Variants in DPP4 observed in about 807,000 individuals in gnomAD.
DPP4 encodes dipeptidyl peptidase 4, also known as ADCP-2.
A neutral mutation model predicts 122.4 loss-of-function variants in DPP4; 93 were observed. That is an observed-to-expected ratio of 0.76 (90% CI 0.64 to 0.90). The LOEUF is 0.90. DPP4 is among the 40% of genes least tolerant of loss of function. The pLI is 0.00. For missense variants in DPP4, 914 were observed against 907.3 expected (o/e 1.01, Z -0.09); for synonymous variants, 321 against 302.9 (o/e 1.06, Z -0.62).
In DPP4 at chr2:162,011,166, C is replaced by T. The variant is rs115758260; in HGVS notation, c.1832+627G>A. Among the ~76,000 whole-genome samples, 1,384 of 152,200 alleles carry T rather than the reference C, an allele frequency of 9.1e-3. 16 individuals carry two copies. Among genetic ancestry groups the T allele is most frequent in the African/African-American group, 0.031 (1,300 of 41,522 alleles). Reference sequence around the variant, plus strand: ...ATGCAACATGCATCTTATGAGTAACCATCATTGATTGTTAACATCTCTTGA... The same window carrying T: ...ATGCAACATGCATCTTATGAGTAACTATCATTGATTGTTAACATCTCTTGA... On this transcript the variant is annotated intron_variant, in intron 20 of 25. Transcript: ENST00000360534.
At chr2:162,071,184 G>A (rs1238540807) in intron 2 of DPP4, among the ~76,000 whole-genome samples, 2 of 152,118 alleles carry the variant, frequency 1.3e-5, no homozygotes, top group Non-Finnish European at 2.9e-5. Context: ...TCTTTTGCCT[G>A]TTTCCCACCC....
rs1700904798 is a variant in DPP4 at position 161,993,166 on chromosome 2, G to A, written c.*117C>T. 5.0e-6 allele frequency: 4 copies of A among 802,146 alleles called. No homozygotes were observed. The East Asian group carries it at 1.0e-4, about 20-fold the overall frequency. The allele number at this position is 802,146 out of a possible 1,614,324, so 49.7% of individuals were successfully genotyped here. A position where few individuals can be genotyped will look rare whatever the true frequency, so the allele number is the denominator to read the frequency against. The stretch of plus-strand genomic sequence containing the variant: ...AATTTGGGAACAAAGGTAACCTTAA[G>A]TTTCTTGATTTGAGTGTGTATTTTA... On this transcript the variant is annotated 3_prime_UTR_variant, in exon 26 of 26. Coordinates refer to ENST00000360534, the MANE Select transcript of DPP4 (RefSeq NM_001935.4).
intron 21 of DPP4, among the ~76,000 whole-genome samples, chr2:162,008,944 C>A (rs1487492556): frequency 1.3e-5 from 2 of 152,086 alleles, no homozygotes; most frequent in African/African-American, 4.8e-5. Flanking sequence ...AAAACAATAA[C>A]ACGAAATCTT....
intron 25 of DPP4, 81 bp from the exon 26 acceptor site, chr2:161,993,465 T>A: frequency 1.0e-6 from 1 of 979,540 alleles, no homozygotes; most frequent in Non-Finnish European, 1.6e-6. Context: ...TCAAATGAGC[T>A]CTCACGAGCA....
chr2:162,038,463 G>GT (rs1326680800), intron 7 of DPP4, 41 bp from the exon 8 acceptor site: 1 of 1,560,004 alleles, frequency 6.4e-7, no homozygotes, highest in African/African-American at 1.4e-5. Context: ...TATAATACAT[G>GT]TCATATTTTT....
intron 2 of DPP4, among the ~76,000 whole-genome samples, chr2:162,053,102 G>A (rs971783261): frequency 6.6e-6 from 1 of 152,192 alleles, no homozygotes; most frequent in Non-Finnish European, 1.5e-5. Context: ...GGGAAGATTT[G>A]GAAAAGTCTC....
At chr2:162,048,023 T>C (rs73971545) in intron 2 of DPP4, among the ~76,000 whole-genome samples, 5,762 of 152,202 alleles carry the variant, frequency 0.038, 244 homozygotes, top group African/African-American at 0.097. Flanking sequence ...TCAATAGTTA[T>C]GTGTGGCCAG....
chr2:162,066,116 C>G (rs979082756), intron 2 of DPP4, among the ~76,000 whole-genome samples: 1 of 152,140 alleles, frequency 6.6e-6, no homozygotes, highest in Non-Finnish European at 1.5e-5. Flanking sequence ...AAAAAGGAAA[C>G]AGCCAGGAGG....
chr2:162,020,118 A>G, intron 14 of DPP4, 111 bp downstream of exon 14: 1 of 906,614 alleles, frequency 1.1e-6, no homozygotes, highest in South Asian at 1.6e-5. Flanking sequence ...TATTGAACAC[A>G]TTCCAAAAAG....
intron 2 of DPP4, among the ~76,000 whole-genome samples, chr2:162,064,946 T>A (rs1559727401): frequency 6.6e-6 from 1 of 152,220 alleles, no homozygotes; most frequent in Non-Finnish European, 1.5e-5. Flanking sequence ...AAAAATTAAA[T>A]CTTTCTAACG....
In DPP4 at chr2:161,992,773, T is replaced by G. The variant is rs1462133100; in HGVS notation, c.*510A>C. On this transcript the variant is annotated 3_prime_UTR_variant, in exon 26 of 26. Coordinates refer to ENST00000360534, the MANE Select transcript of DPP4 (RefSeq NM_001935.4). ...CTGTGCCAGTCTGGCTGTGAACAGC[T>G]CTTCTCCGAGGGGAGCTGACAGTAG... 1 of 154,664 alleles carries G rather than the reference T, an allele frequency of 6.5e-6. No individual in the cohort carries two copies. The highest frequency in any genetic ancestry group is 2.4e-5 in the African/African-American group (1 of 41,488). 9.6% of individuals were successfully genotyped at this position (154,664 alleles called of 1,614,324 possible). A position where few individuals can be genotyped will look rare whatever the true frequency, so the allele number is the denominator to read the frequency against.
intron 2 of DPP4, among the ~76,000 whole-genome samples, chr2:162,066,683 T>C (rs1432261812): frequency 6.6e-6 from 1 of 152,216 alleles, no homozygotes; most frequent in Non-Finnish European, 1.5e-5. Context: ...TAAAAGATTA[T>C]TTGGATCATG....
rs1285727654 is a variant in DPP4, at chr2:162,073,658, T to C, written c.7-172A>G. The C allele has an allele frequency of 4.3e-6, 3 of 695,362 alleles. No homozygotes were observed. In the African/African-American group the frequency reaches 5.3e-5, roughly 12 times the overall value. 43.1% of individuals were successfully genotyped at this position (695,362 alleles called of 1,614,324 possible). ...GTCTGGAGTGCGCCAGTTGGAGTTC[T>C]CTAAGGCGGGTGCCCTTGAACTTGT... On this transcript the variant is annotated intron_variant, in intron 1 of 25. Transcript: ENST00000360534.
At chr2:162,070,947 T>A (rs1440395430) in intron 2 of DPP4, among the ~76,000 whole-genome samples, 8 of 152,106 alleles carry the variant, frequency 5.3e-5, no homozygotes, top group Non-Finnish European at 1.0e-4. Flanking sequence ...AGCCACCCTC[T>A]CCTTTACCTC....
rs142128018 is a variant in DPP4 at position 162,028,443 on chromosome 2, C to A, written c.888-3504G>T. ...CCCACTTAAAACCAGAAAAATCCAA[C>A]CAGCAGGATTATCATCTATGCTTTG... On this transcript the variant is annotated intron_variant, in intron 10 of 25. Transcript: ENST00000360534. 1.7e-3 allele frequency among the ~76,000 whole-genome samples: 265 copies of A among 152,324 alleles called. 1 individual carries two copies. The highest frequency in any genetic ancestry group is 6.1e-3 in the African/African-American group (254 of 41,574).
intron 2 of DPP4, among the ~76,000 whole-genome samples, chr2:162,052,878 A>C (rs1228717811): frequency 6.6e-6 from 1 of 152,154 alleles, no homozygotes; most frequent in Non-Finnish European, 1.5e-5. Flanking sequence ...AGAAATAAAG[A>C]TCTCATTGGA....
At chr2:162,019,683 G>C (rs1039865365) in intron 14 of DPP4, among the ~76,000 whole-genome samples, 1 of 151,884 alleles carries the variant, frequency 6.6e-6, no homozygotes, top group East Asian at 1.9e-4. Context: ...GAGAGCAGCA[G>C]AGCCACTGCT....
chr2:162,058,666 T>C (rs1191261260), intron 2 of DPP4, among the ~76,000 whole-genome samples: 3 of 152,238 alleles, frequency 2.0e-5, no homozygotes, highest in Non-Finnish European at 2.9e-5. Context: ...AAACATTTTC[T>C]TAAATAGCTG....
intron 10 of DPP4, among the ~76,000 whole-genome samples, chr2:162,025,338 G>A (rs1381005112): frequency 2.0e-5 from 3 of 151,974 alleles, no homozygotes; most frequent in Non-Finnish European, 4.4e-5. Context: ...AGATTTGACT[G>A]TTTCTTGTAT....
Sources: allele counts gnomAD v4.1 joint callset (sites outside exome capture counted in the v4.1 genomes callset), GRCh38; gene constraint gnomAD v4.1.1; transcripts MANE v1.5; gene names NCBI Gene and HGNC (gene_info 2026-07-23, HGNC 2026-07-21).